TRABD2B: variants seen among roughly 807,000 people sequenced by gnomAD.
The protein encoded by TRABD2B is TraB domain containing 2B, also known as metalloprotease TIKI2.
A neutral mutation model predicts 40.1 loss-of-function variants in TRABD2B; 14 were observed. The observed-to-expected ratio is 0.35, with a 90% CI of 0.23 to 0.55. The LOEUF is 0.55. Among genes scored for constraint, TRABD2B ranks in the 20% least tolerant of loss-of-function variants. The pLI, the probability that TRABD2B is intolerant of heterozygous loss-of-function variation, is 0.90. For synonymous variants in TRABD2B, 263 were observed against 277.0 expected, an observed-to-expected ratio of 0.95 and a Z score of 0.50; for missense variants, 541 against 648.6, an observed-to-expected ratio of 0.83 and a Z score of 1.80.
In TRABD2B at chr1:47,764,412, C is replaced by T. The variant is rs960733116; in HGVS notation, c.*1490G>A. 1.3e-5 allele frequency: 2 copies of T among 152,252 alleles called. No homozygotes were observed. The highest frequency in any genetic ancestry group is 1.3e-4 in the Admixed American group (2 of 15,294). The allele number at this position is 152,252 out of a possible 1,614,324, so 9.4% of individuals were successfully genotyped here. A position where few individuals can be genotyped will look rare whatever the true frequency, so the allele number is the denominator to read the frequency against. ...GGCCTCCCAGGTGGGAGTTAGCCCACCTGGGTCCTCTGTCTCCTCAACCAC... is the reference window on the plus strand; with the variant it reads ...GGCCTCCCAGGTGGGAGTTAGCCCATCTGGGTCCTCTGTCTCCTCAACCAC... On this transcript the variant is annotated 3_prime_UTR_variant, in exon 7 of 7. Coordinates refer to ENST00000606738, the MANE Select transcript of TRABD2B (RefSeq NM_001194986.2).
chr1:47,790,761 A>C (rs576931672), intron 4 of TRABD2B, among the ~76,000 whole-genome samples: 1 of 152,274 alleles, frequency 6.6e-6, no homozygotes, highest in African/African-American at 2.4e-5. Flanking sequence ...ATTAAAATCC[A>C]TCTCGTGGTG....
intron 2 of TRABD2B, among the ~76,000 whole-genome samples, chr1:47,954,338 A>G (rs1233390496): frequency 6.6e-6 from 1 of 152,216 alleles, no homozygotes; most frequent in African/African-American, 2.4e-5. Context: ...CTTTCCCTGG[A>G]AACTGTCTCC....
intron 2 of TRABD2B, among the ~76,000 whole-genome samples, chr1:47,939,788 A>G (rs1645161707): frequency 6.6e-6 from 1 of 152,236 alleles, no homozygotes; most frequent in Non-Finnish European, 1.5e-5. Context: ...TCATTCAAAC[A>G]TAAACTCAGA....
At chr1:47,936,786 T>C (rs75827599) in intron 2 of TRABD2B, among the ~76,000 whole-genome samples, 3,566 of 152,294 alleles carry the variant, frequency 0.023, 108 homozygotes, top group Admixed American at 0.091. Context: ...ACCTGCCACA[T>C]TGGAATGTTC....
intron 2 of TRABD2B, among the ~76,000 whole-genome samples, chr1:47,879,962 A>G (rs764910611): frequency 6.6e-6 from 1 of 152,198 alleles, no homozygotes; most frequent in Non-Finnish European, 1.5e-5. Context: ...TGGAGTAACA[A>G]CTGCTTCACT....
chr1:47,994,333 G>A lies in TRABD2B; in HGVS notation c.367C>T (p.Arg123Cys), dbSNP rs1557702201. The A allele has an allele frequency of 4.6e-6, 7 of 1,536,260 alleles. No individual in the cohort carries two copies. The highest frequency in any genetic ancestry group is 2.0e-5 in the Admixed American group (1 of 51,010). Reference sequence around the variant, plus strand: ...ATCAACTTCACGTAGTCCAGGTGGCGCTTCAAGCGCCAGTAAAGCTCGTGG... The same window carrying A: ...ATCAACTTCACGTAGTCCAGGTGGCACTTCAAGCGCCAGTAAAGCTCGTGG... ...LPHELYWRLK[R>C]HLDYVKLMMP... Residue 123 changes from arginine to cysteine, a missense_variant, in exon 2 of 7, where the codon CGC (arginine) becomes TGC (cysteine). Coordinates refer to ENST00000606738, the MANE Select transcript of TRABD2B (RefSeq NM_001194986.2). The surrounding 1 kb of genome is among the most constrained non-coding windows in gnomAD (Gnocchi z 6.7).
intron 2 of TRABD2B, among the ~76,000 whole-genome samples, chr1:47,932,619 A>G (rs544085187): frequency 6.6e-6 from 1 of 152,316 alleles, no homozygotes; most frequent in Non-Finnish European, 1.5e-5. Flanking sequence ...AATTCGTGCA[A>G]CAGGAGAAGG....
chr1:47,873,581 T>C (rs1644176065), intron 2 of TRABD2B, among the ~76,000 whole-genome samples: 1 of 152,162 alleles, frequency 6.6e-6, no homozygotes, highest in Non-Finnish European at 1.5e-5. Flanking sequence ...GGGTGTTGGC[T>C]GCATCATCTT....
At chr1:47,861,505 A>G (rs1158347785) in intron 2 of TRABD2B, among the ~76,000 whole-genome samples, 2 of 152,214 alleles carry the variant, frequency 1.3e-5, no homozygotes, top group Non-Finnish European at 2.9e-5. Context: ...ACACAACTTG[A>G]TAACCTAGAT....
At chr1:47,827,252 G>C (rs778793153) in intron 2 of TRABD2B, among the ~76,000 whole-genome samples, 8 of 152,224 alleles carry the variant, frequency 5.3e-5, no homozygotes, top group Non-Finnish European at 7.3e-5. Flanking sequence ...CATCAGCTCA[G>C]GGCTCCGGAA....
At chr1:47,961,925 G>A (rs1645522742) in intron 2 of TRABD2B, among the ~76,000 whole-genome samples, 1 of 152,154 alleles carries the variant, frequency 6.6e-6, no homozygotes, top group Non-Finnish European at 1.5e-5. Flanking sequence ...TATGTTTACT[G>A]CAGCACTATT....
chr1:47,965,659 C>G (rs1298446182), intron 2 of TRABD2B, among the ~76,000 whole-genome samples: 7 of 152,298 alleles, frequency 4.6e-5, no homozygotes, highest in African/African-American at 1.7e-4. Flanking sequence ...GACATCACAC[C>G]TCTCTTCCCA....
intron 2 of TRABD2B, among the ~76,000 whole-genome samples, chr1:47,922,584 C>T (rs985337736): frequency 2.6e-5 from 4 of 152,204 alleles, no homozygotes; most frequent in African/African-American, 9.6e-5. Flanking sequence ...ATGGGCATCT[C>T]CCTGGGTCTC....
At chr1:47,913,633 T>C (rs1018094771) in intron 2 of TRABD2B, among the ~76,000 whole-genome samples, 5 of 152,176 alleles carry the variant, frequency 3.3e-5, no homozygotes, top group African/African-American at 1.2e-4. Context: ...ACCCCATGAA[T>C]ACGAACCGCT....
At chr1:47,801,249 T>A (rs979100134) in intron 3 of TRABD2B, among the ~76,000 whole-genome samples, 4 of 152,310 alleles carry the variant, frequency 2.6e-5, no homozygotes, top group South Asian at 2.1e-4. Flanking sequence ...GCCACATAGA[T>A]CTGGCTCAAG....
intron 6 of TRABD2B, 122 bp from the exon 7 acceptor site, chr1:47,766,228 G>A: frequency 1.6e-6 from 1 of 631,752 alleles, no homozygotes; most frequent in Middle Eastern, 4.2e-4. Context: ...AAGGGAACAA[G>A]GAGCTTGAGC....
intron 2 of TRABD2B, among the ~76,000 whole-genome samples, chr1:47,971,586 CAGG>C (rs1035996274): frequency 1.3e-5 from 2 of 152,200 alleles, no homozygotes; most frequent in Non-Finnish European, 2.9e-5. Flanking sequence ...CACACCTTAA[CAGG>C]AGGACAGGTG....
At chr1:47,821,176 T>C (rs1019058920) in intron 2 of TRABD2B, among the ~76,000 whole-genome samples, 7 of 152,200 alleles carry the variant, frequency 4.6e-5, no homozygotes, top group Non-Finnish European at 1.5e-5. Flanking sequence ...CATTTTCACA[T>C]GATGGTGCTA....
chr1:47,897,896 T>C (rs1488794572), intron 2 of TRABD2B, among the ~76,000 whole-genome samples: 1 of 152,214 alleles, frequency 6.6e-6, no homozygotes, highest in African/African-American at 2.4e-5. Flanking sequence ...AAAAATCCCT[T>C]GCAAAGGATA....
Sources: gnomAD v4.1 joint callset for allele counts (sites outside exome capture counted in the v4.1 genomes callset) on GRCh38, gnomAD v4.1.1 for gene constraint, Gnocchi (gnomAD v3.1) non-coding constraint, MANE v1.5 for transcripts, NCBI Gene and HGNC (gene_info 2026-07-23, HGNC 2026-07-21) for gene names.